The following BMP2K variants were observed in gnomAD, a reference collection of about 807,000 sequenced individuals.
BMP2K encodes BMP-2-inducible protein kinase.
BMP2K carries 74 observed loss-of-function variants against 116.0 expected under a neutral mutation model. The observed-to-expected ratio is 0.64, with a 90% confidence interval of 0.53 to 0.77. BMP2K has a LOEUF of 0.77. Among genes scored for constraint, BMP2K ranks in the 30% least tolerant of loss-of-function variants. BMP2K has a pLI of 0.00. For missense variants in BMP2K, 1,365 were observed against 1,403.6 expected (o/e 0.97, Z 0.44); for synonymous variants, 486 against 502.5 (o/e 0.97, Z 0.44).
intron 15 of BMP2K, among the ~76,000 whole-genome samples, chr4:78,904,763 A>G (rs1005798888): frequency 1.3e-5 from 2 of 151,990 alleles, no homozygotes; most frequent in African/African-American, 2.4e-5. Context: ...AAGTAGACGT[A>G]TACCTTCATT....
At chr4:78,894,877 A>C (rs1262051470) in intron 15 of BMP2K, among the ~76,000 whole-genome samples, 2 of 152,202 alleles carry the variant, frequency 1.3e-5, no homozygotes, top group Non-Finnish European at 2.9e-5. Context: ...TTGTGGGGTT[A>C]TTAATTGGCC....
At chr4:78,794,250 T>C (rs1197009570) in intron 1 of BMP2K, among the ~76,000 whole-genome samples, 2 of 152,128 alleles carry the variant, frequency 1.3e-5, no homozygotes, top group South Asian at 2.1e-4. Flanking sequence ...TGCAATGATA[T>C]GCATTCTTGA....
At chr4:78,879,928 A>G (rs1732816848) in intron 14 of BMP2K, 1 of 152,222 alleles carries the variant, frequency 6.6e-6, no homozygotes. Context: ...AGATATAAAA[A>G]TAAGTTCTGA....
At chr4:78,834,418 C>G (rs1228780980) in intron 3 of BMP2K, among the ~76,000 whole-genome samples, 1 of 152,004 alleles carries the variant, frequency 6.6e-6, no homozygotes, top group Non-Finnish European at 1.5e-5. Context: ...CCCGCCACGA[C>G]GCTCGGCTAA....
At chr4:78,831,177 AC>A (rs1214210241) in intron 2 of BMP2K, among the ~76,000 whole-genome samples, 3 of 152,226 alleles carry the variant, frequency 2.0e-5, no homozygotes, top group Non-Finnish European at 4.4e-5. Context: ...CAGTTAGAAC[AC>A]ATATAACATT....
intron 15 of BMP2K, among the ~76,000 whole-genome samples, chr4:78,910,159 C>A (rs191831821): frequency 3.5e-4 from 53 of 152,228 alleles, no homozygotes; most frequent in Non-Finnish European, 1.5e-5. Context: ...GAAACAAATA[C>A]GTAACTGAGC....
At chr4:78,776,789 G>A (rs1161339496) in intron 1 of BMP2K, 68 bp downstream of exon 1, 3 of 1,193,730 alleles carry the variant, frequency 2.5e-6, no homozygotes, top group Non-Finnish European at 3.1e-6. Context: ...CGGCTTCTCC[G>A]GGTCCTCGCC....
chr4:78,799,942 G>A (rs184286281), intron 1 of BMP2K, among the ~76,000 whole-genome samples: 1 of 152,278 alleles, frequency 6.6e-6, no homozygotes, highest in East Asian at 1.9e-4. Context: ...AGATTTAGTC[G>A]ATGGAATATT....
chr4:78,780,059 C>T (rs1169881941), intron 1 of BMP2K, among the ~76,000 whole-genome samples: 1 of 152,158 alleles, frequency 6.6e-6, no homozygotes, highest in African/African-American at 2.4e-5. Flanking sequence ...ATGTAACCTT[C>T]CAAGTTTTTA....
intron 7 of BMP2K, among the ~76,000 whole-genome samples, chr4:78,854,094 A>G (rs541854745): frequency 6.6e-6 from 1 of 151,566 alleles, no homozygotes; most frequent in Admixed American, 6.6e-5. Context: ...TGTTAAATAT[A>G]ACTACTAAGA....
At chr4:78,776,903 C>G (rs1727278009) in intron 1 of BMP2K, among the ~76,000 whole-genome samples, 182 bp downstream of exon 1, 1 of 152,156 alleles carries the variant, frequency 6.6e-6, no homozygotes, top group Non-Finnish European at 1.5e-5. Flanking sequence ...TTTCTTGCCG[C>G]TGGCTGCCCC....
intron 9 of BMP2K, among the ~76,000 whole-genome samples, chr4:78,862,907 T>A (rs1240050764): frequency 1.3e-5 from 2 of 152,238 alleles, no homozygotes; most frequent in East Asian, 3.9e-4. Flanking sequence ...TCCACTGTTA[T>A]AGTTGAGTGT....
At chr4:78,823,466 T>G (rs1362063982) in intron 1 of BMP2K, among the ~76,000 whole-genome samples, 1 of 148,786 alleles carries the variant, frequency 6.7e-6, no homozygotes, top group African/African-American at 2.5e-5. Flanking sequence ...TTTTTAGTGC[T>G]CTCTCTCTCA....
chr4:78,852,627 C>T (rs552814915), intron 7 of BMP2K, among the ~76,000 whole-genome samples: 1 of 152,080 alleles, frequency 6.6e-6, no homozygotes, highest in East Asian at 1.9e-4. Flanking sequence ...CTTCAAGAGA[C>T]AAGGTCTCAT....
chr4:78,870,966 A>G lies in BMP2K; in HGVS notation c.1415A>G (p.Gln472Arg). The G allele has an allele frequency of 6.2e-7, 1 of 1,611,710 alleles. No individual in the cohort carries two copies. The highest frequency in any genetic ancestry group is 8.5e-7 in the Non-Finnish European group (1 of 1,179,374). The change falls in exon 11 of 16, where the codon CAG (glutamine) becomes CGG (arginine). Residue 472 changes from glutamine to arginine, a missense_variant. By Grantham distance (43) the Gln-to-Arg change is conservative. This residue lies in a region of BMP2K where 762 missense variants were observed against 756.7 expected (regional missense o/e 1.01). Transcript: ENST00000502613. The part of the protein sequence containing the change: ...QQQQQQQQQQ[Q>R]QQQQQQQQQQ... ...CAGCAGCAGCAGCAACAGCAACAGCAGCAGCAGCAACAGCAACAGCAGCAG... is the reference window on the plus strand; with the variant it reads ...CAGCAGCAGCAGCAACAGCAACAGCGGCAGCAGCAACAGCAACAGCAGCAG...
chr4:78,814,119 G>A lies in BMP2K; in HGVS notation c.179-11918G>A, dbSNP rs143810392. ...GATGAAAAGTAGTGTTTTGTAGTGG[G>A]TGAAGGTAGGGAAATGTTCCTTGGC... On this transcript the variant is annotated intron_variant, in intron 1 of 15. Transcript: ENST00000502613. Among the ~76,000 whole-genome samples the A allele has an allele frequency of 3.6e-3, 549 of 152,302 alleles. 4 individuals are homozygous for A. The highest frequency in any genetic ancestry group is 5.9e-3 in the Non-Finnish European group (403 of 68,040).
At chr4:78,834,715 T>TAA (rs1163471668) in intron 3 of BMP2K, among the ~76,000 whole-genome samples, 3 of 152,178 alleles carry the variant, frequency 2.0e-5, no homozygotes, top group African/African-American at 4.8e-5. Flanking sequence ...CAGAAACTCT[T>TAA]ACAGTTTCCT....
chr4:78,800,894 G>A (rs968411387), intron 1 of BMP2K, among the ~76,000 whole-genome samples: 3 of 152,260 alleles, frequency 2.0e-5, no homozygotes, highest in Admixed American at 6.5e-5. Flanking sequence ...AATTTTTAGA[G>A]GATGAATACA....
intron 1 of BMP2K, among the ~76,000 whole-genome samples, chr4:78,825,327 C>G (rs1729818424): frequency 6.6e-6 from 1 of 152,138 alleles, no homozygotes; most frequent in East Asian, 1.9e-4. Context: ...ATTCAGTAGG[C>G]CAAATGTCTG....
Sources: allele counts gnomAD v4.1 joint callset (sites outside exome capture counted in the v4.1 genomes callset), GRCh38; gene constraint gnomAD v4.1.1; regional missense constraint gnomAD v4.1.1; transcripts MANE v1.5; gene names NCBI Gene and HGNC (gene_info 2026-07-23, HGNC 2026-07-21).